The following GSE1 variants were observed in gnomAD, a reference collection of about 807,000 sequenced individuals.
GSE1 encodes Gse1 coiled-coil protein.
In GSE1, 32 loss-of-function variants were observed where a neutral mutation model predicts 112.6. That is an observed-to-expected ratio of 0.28 (90% CI 0.21 to 0.38). The LOEUF (loss-of-function observed/expected upper bound fraction) is 0.38. Ranked by LOEUF, GSE1 falls within the 10% of genes least tolerant of loss-of-function variation. The pLI is 1.00. For synonymous variants in GSE1, 1,115 were observed against 735.6 expected, an observed-to-expected ratio of 1.52 and a Z score of -8.35; for missense variants, 2,348 against 1,699.2, an observed-to-expected ratio of 1.38 and a Z score of -6.71.
intron 1 of GSE1, among the ~76,000 whole-genome samples, chr16:85,572,438 C>A (rs1598231995): frequency 7.0e-6 from 1 of 143,540 alleles, no homozygotes; most frequent in African/African-American, 2.6e-5. Context: ...ACAGCACATA[C>A]AACACACAGC....
intron 2 of GSE1, among the ~76,000 whole-genome samples, chr16:85,522,727 GTGT>G (rs2151158822): frequency 6.6e-6 from 1 of 152,288 alleles, no homozygotes; most frequent in South Asian, 2.1e-4. Context: ...GTTGCGCAGA[GTGT>G]TGGAGTTTAC....
At chr16:85,453,309 C>T (rs781562268) in intron 2 of GSE1, among the ~76,000 whole-genome samples, 4 of 152,150 alleles carry the variant, frequency 2.6e-5, no homozygotes, top group Non-Finnish European at 5.9e-5. Flanking sequence ...CCCTTCCCTC[C>T]GCGGAGGCTG....
chr16:85,367,398 G>T (rs569834133), intron 2 of GSE1, among the ~76,000 whole-genome samples: 1 of 152,332 alleles, frequency 6.6e-6, no homozygotes, highest in East Asian at 1.9e-4. Context: ...GCTGGGCATG[G>T]GGGGCATAGC....
chr16:85,230,055 C>T lies in GSE1; in HGVS notation c.2283+58248C>T, dbSNP rs531534009. On this transcript the variant is annotated intron_variant, in intron 1 of 2. Coordinates refer to the GSE1 transcript ENST00000637419. Reference sequence around the variant, plus strand: ...CAGGCTCTGTGGGGGGCAGGCTGGGCCAGTATGGCTGCTGCGTGGGCAGCT... The same window carrying T: ...CAGGCTCTGTGGGGGGCAGGCTGGGTCAGTATGGCTGCTGCGTGGGCAGCT... Among the ~76,000 whole-genome samples, 8 of 152,326 alleles carry T rather than the reference C, an allele frequency of 5.3e-5. No homozygotes were observed. In the South Asian group the frequency reaches 1.0e-3, roughly 20 times the overall value.
At position 85,668,416 on chromosome 16, in the gene GSE1, A is replaced by G. The variant is rs1206544810; in HGVS notation, c.3407A>G (p.His1136Arg). 6.3e-7 allele frequency: 1 copy of G among 1,591,774 alleles called. No individual in the cohort carries two copies. The highest frequency in any genetic ancestry group is 1.1e-5 in the South Asian group (1 of 90,356). The change falls in exon 14 of 16, where the codon CAC (histidine) becomes CGC (arginine). Residue 1136 changes from histidine to arginine, a missense_variant. Transcript: ENST00000253458. The part of the protein sequence containing the change: ...IEAVFEAYQE[H>R]IEEQNLERQV... The stretch of plus-strand genomic sequence containing the variant: ...GCCGTTTTTGAAGCTTACCAGGAAC[A>G]CATAGAAGGTAAGGGGGTGCTGGGG...
intron 1 of GSE1, among the ~76,000 whole-genome samples, chr16:85,575,600 C>T (rs551510664): frequency 1.3e-5 from 2 of 152,090 alleles, no homozygotes; most frequent in East Asian, 1.9e-4. Context: ...TCATGACGGG[C>T]GGGAGGGGCA....
intron 2 of GSE1, among the ~76,000 whole-genome samples, chr16:85,530,721 G>A (rs1160329620): frequency 6.6e-6 from 1 of 152,220 alleles, no homozygotes; most frequent in African/African-American, 2.4e-5. Flanking sequence ...GGGAATCCAA[G>A]TTCCCATTAA....
chr16:85,647,487 C>T (rs541077472), intron 2 of GSE1, among the ~76,000 whole-genome samples: 7 of 152,332 alleles, frequency 4.6e-5, no homozygotes, highest in African/African-American at 1.7e-4. Context: ...GAAACTCCCC[C>T]AGGGTCACCG....
intron 2 of GSE1, among the ~76,000 whole-genome samples, chr16:85,387,180 C>T (rs376694789): frequency 2.4e-4 from 36 of 152,280 alleles, no homozygotes; most frequent in Middle Eastern, 3.4e-3. Flanking sequence ...CTGTGCACAA[C>T]GGACACCGGG....
chr16:85,484,617 G>A (rs1389473937), intron 2 of GSE1, among the ~76,000 whole-genome samples: 4 of 152,226 alleles, frequency 2.6e-5, no homozygotes, highest in South Asian at 2.1e-4. Context: ...AGCAGCTTAC[G>A]TGTCTCCTGA....
chr16:85,350,393 TCTC>T (rs2046828956), intron 1 of GSE1, among the ~76,000 whole-genome samples: 2 of 152,250 alleles, frequency 1.3e-5, no homozygotes, highest in South Asian at 4.1e-4. Context: ...TGAGCCCTGT[TCTC>T]CTGACATTTA....
chr16:85,668,672 C>G (rs1031149712), intron 14 of GSE1, among the ~76,000 whole-genome samples: 1 of 152,186 alleles, frequency 6.6e-6, no homozygotes, highest in Non-Finnish European at 1.5e-5. Context: ...ACCTGTCATT[C>G]TTTATGTGGG....
intron 2 of GSE1, among the ~76,000 whole-genome samples, chr16:85,414,665 T>C (rs1334712336): frequency 1.3e-5 from 2 of 152,234 alleles, no homozygotes; most frequent in African/African-American, 2.4e-5. Context: ...GATGGAGTCT[T>C]GCTCTGTCAC....
chr16:85,617,495 C>T (rs1464472060), intron 1 of GSE1, among the ~76,000 whole-genome samples: 1 of 151,628 alleles, frequency 6.6e-6, no homozygotes, highest in African/African-American at 2.4e-5. Context: ...ACTTTTGAAT[C>T]ACCTGGGGAG....
chr16:85,338,153 C>T (rs908805442), intron 1 of GSE1, among the ~76,000 whole-genome samples: 4 of 152,252 alleles, frequency 2.6e-5, no homozygotes, highest in Non-Finnish European at 5.9e-5. Context: ...CTGCCCACGG[C>T]AGGGCAGGGC....
At chr16:85,225,990 C>A (rs988105635) in intron 1 of GSE1, among the ~76,000 whole-genome samples, 1 of 152,118 alleles carries the variant, frequency 6.6e-6, no homozygotes, top group Non-Finnish European at 1.5e-5. Context: ...GGCCTCAGTT[C>A]CTGGCCATGT....
At chr16:85,280,647 CA>C (rs1214297715) in intron 1 of GSE1, among the ~76,000 whole-genome samples, 1 of 152,212 alleles carries the variant, frequency 6.6e-6, no homozygotes, top group Admixed American at 6.5e-5. Flanking sequence ...CCGCCCACCT[CA>C]GCCTCCCAAA....
rs57501296 is a variant in GSE1, at chr16:85,170,933, A to G, written c.1409A>G (p.Glu470Gly). ...AAGGGCAGGAGGCTCCCGAGGGAAGAGGGCCTGCCCTCCGGGGCCCTGCGA... is the reference window on the plus strand; with the variant it reads ...AAGGGCAGGAGGCTCCCGAGGGAAGGGGGCCTGCCCTCCGGGGCCCTGCGA... The change falls in exon 1 of 3, where the codon GAG (glutamate) becomes GGG (glycine). Residue 470 changes from glutamate (E) to glycine (G), a missense_variant. By Grantham distance (98) the Glu-to-Gly change is moderately conservative (BLOSUM62 -2). Coordinates refer to the GSE1 transcript ENST00000637419. The G allele has an allele frequency of 2.9e-3, 2,839 of 985,550 alleles. 54 individuals carry two copies. The African/African-American group carries it at 0.046, about 16-fold the overall frequency. 61.1% of individuals were successfully genotyped at this position (985,550 alleles called of 1,614,324 possible). A position where few individuals can be genotyped will look rare whatever the true frequency, so the allele number is the denominator to read the frequency against.
intron 1 of GSE1, among the ~76,000 whole-genome samples, chr16:85,575,593 T>C (rs940982685): frequency 3.3e-5 from 5 of 152,148 alleles, no homozygotes; most frequent in Non-Finnish European, 7.4e-5. Flanking sequence ...TTCTTTTTCA[T>C]GACGGGCGGG....
Sources: allele counts gnomAD v4.1 joint callset (sites outside exome capture counted in the v4.1 genomes callset), GRCh38; gene constraint gnomAD v4.1.1; transcripts MANE v1.5; gene names NCBI Gene and HGNC (gene_info 2026-07-23, HGNC 2026-07-21).